The following TYW1B variants were observed in gnomAD, a reference collection of about 807,000 sequenced individuals.
TYW1B encodes S-adenosyl-L-methionine-dependent tRNA 4-demethylwyosine synthase TYW1B.
TYW1B carries 73 observed loss-of-function variants against 86.9 expected under a neutral mutation model. That is an observed-to-expected ratio of 0.84 (90% CI 0.70 to 1.02). The LOEUF (loss-of-function observed/expected upper bound fraction) is 1.02. Ranked by LOEUF, TYW1B falls within the 50% of genes least tolerant of loss-of-function variation. TYW1B has a pLI of 0.00. For synonymous variants in TYW1B, 248 were observed against 292.8 expected (o/e 0.85, Z 1.56); for missense variants, 637 against 827.4 (o/e 0.77, Z 2.82).
intron 11 of TYW1B, among the ~76,000 whole-genome samples, chr7:72,662,596 A>T (rs1377840401): frequency 5.3e-5 from 8 of 152,184 alleles, no homozygotes. Flanking sequence ...TATTTACATG[A>T]TTTTTAACAT....
At chr7:72,771,283 G>A (rs1420855593) in intron 7 of TYW1B, among the ~76,000 whole-genome samples, 3 of 151,910 alleles carry the variant, frequency 2.0e-5, no homozygotes, top group African/African-American at 7.2e-5. Flanking sequence ...ATTCTAAAAA[G>A]GCAAAACTAA....
chr7:72,760,629 T>C (rs1367564783), intron 7 of TYW1B, among the ~76,000 whole-genome samples: 5 of 152,202 alleles, frequency 3.3e-5, no homozygotes, highest in Admixed American at 2.6e-4. Flanking sequence ...ATAAAATATA[T>C]ACTAATTAAC....
chr7:72,658,319 T>G (rs1391353534), intron 11 of TYW1B, among the ~76,000 whole-genome samples: 1 of 152,118 alleles, frequency 6.6e-6, no homozygotes, highest in Non-Finnish European at 1.5e-5. Context: ...GCAACTAATT[T>G]AACACTGAGG....
At chr7:72,774,607 G>C (rs1433245078) in intron 7 of TYW1B, among the ~76,000 whole-genome samples, 2 of 152,010 alleles carry the variant, frequency 1.3e-5, no homozygotes, top group Non-Finnish European at 2.9e-5. Context: ...CAGTTACTCA[G>C]GAGGCTGAGG....
chr7:72,709,078 G>A (rs1814681193), intron 10 of TYW1B, among the ~76,000 whole-genome samples: 1 of 152,186 alleles, frequency 6.6e-6, no homozygotes, highest in African/African-American at 2.4e-5. Context: ...AAGGTAAGAT[G>A]AAAGACTATG....
intron 11 of TYW1B, among the ~76,000 whole-genome samples, chr7:72,693,312 A>G (rs34060252): frequency 7.2e-5 from 11 of 152,226 alleles, no homozygotes; most frequent in Admixed American, 3.3e-4. Context: ...ATGACATTCA[A>G]TGTGAACATT....
chr7:72,737,910 G>A (rs1191393932), intron 8 of TYW1B, among the ~76,000 whole-genome samples: 1 of 150,932 alleles, frequency 6.6e-6, no homozygotes, highest in African/African-American at 2.4e-5. Context: ...GAGTAGCTGG[G>A]ACTACAGGTG....
At chr7:72,583,294 G>A (rs1268219491) in intron 13 of TYW1B, among the ~76,000 whole-genome samples, 2 of 152,196 alleles carry the variant, frequency 1.3e-5, no homozygotes, top group Non-Finnish European at 2.9e-5. Context: ...AGGTTGCAGT[G>A]AGCCGAGATC....
At chr7:72,779,735 T>G (rs1184434693) in intron 6 of TYW1B, among the ~76,000 whole-genome samples, 1 of 64,402 alleles carries the variant, frequency 1.6e-5, no homozygotes, top group African/African-American at 4.8e-5. Flanking sequence ...AAAAAAAAAT[T>G]AACACTCACA....
At chr7:72,678,687 G>A (rs34151415) in intron 11 of TYW1B, among the ~76,000 whole-genome samples, 16 of 148,472 alleles carry the variant, frequency 1.1e-4, no homozygotes, top group African/African-American at 3.3e-4. Flanking sequence ...GACAACAGGC[G>A]CGCATCATCA....
chr7:72,749,444 C>T (rs782258448), intron 7 of TYW1B, among the ~76,000 whole-genome samples: 13 of 152,088 alleles, frequency 8.5e-5, no homozygotes, highest in Non-Finnish European at 5.9e-5. Flanking sequence ...CAGGCACCCA[C>T]CACCAAGCCC....
chr7:72,705,706 C>A (rs1291574251), intron 10 of TYW1B, among the ~76,000 whole-genome samples: 4 of 152,204 alleles, frequency 2.6e-5, no homozygotes, highest in Non-Finnish European at 4.4e-5. Flanking sequence ...AACTCTGGCA[C>A]ACTCATGAAG....
intron 2 of TYW1B, among the ~76,000 whole-genome samples, chr7:72,817,697 G>A (rs1264432983): frequency 1.3e-5 from 2 of 152,092 alleles, no homozygotes; most frequent in East Asian, 1.9e-4. Flanking sequence ...TTATTGATGG[G>A]AAGGTACACT....
chr7:72,671,851 T>C (rs1311959997), intron 11 of TYW1B, among the ~76,000 whole-genome samples: 2 of 143,358 alleles, frequency 1.4e-5, no homozygotes, highest in Non-Finnish European at 3.0e-5. Context: ...AAAAGTCTTT[T>C]TTTTTTTTTT....
At chr7:72,640,435 G>A (rs1357809275) in intron 11 of TYW1B, among the ~76,000 whole-genome samples, 1 of 151,932 alleles carries the variant, frequency 6.6e-6, no homozygotes, top group East Asian at 1.9e-4. Context: ...GTAATGTCTT[G>A]TGGAGATATA....
chr7:72,744,412 G>A, intron 8 of TYW1B, 72 bp downstream of exon 8: 3 of 1,427,228 alleles, frequency 2.1e-6, no homozygotes, highest in Non-Finnish European at 3.0e-6. Context: ...GTAAGTCTGA[G>A]TGTGAGCTGG....
At chr7:72,820,309 C>T (rs573768730) in intron 2 of TYW1B, among the ~76,000 whole-genome samples, 1 of 152,044 alleles carries the variant, frequency 6.6e-6, no homozygotes, top group East Asian at 1.9e-4. Flanking sequence ...CCAAGAATTT[C>T]ATATCCAGCC....
intron 7 of TYW1B, among the ~76,000 whole-genome samples, chr7:72,763,902 T>C (rs1787728842): frequency 6.6e-6 from 1 of 152,234 alleles, no homozygotes; most frequent in South Asian, 2.1e-4. Flanking sequence ...GTAAGTGATA[T>C]TAGATCTTCT....
intron 7 of TYW1B, among the ~76,000 whole-genome samples, chr7:72,755,282 C>T (rs980370080): frequency 3.3e-5 from 5 of 152,084 alleles, no homozygotes; most frequent in Middle Eastern, 3.4e-3. Context: ...AGCCAAACAT[C>T]GTGGTGCGCA....
Sources: gnomAD v4.1 joint callset for allele counts (sites outside exome capture counted in the v4.1 genomes callset) on GRCh38, gnomAD v4.1.1 for gene constraint, MANE v1.5 for transcripts, NCBI Gene and HGNC (gene_info 2026-07-23, HGNC 2026-07-21) for gene names.